The following MAP3K7CL variants were observed in gnomAD, a reference collection of about 807,000 sequenced individuals.
MAP3K7CL encodes MAP3K7 C-terminal-like protein.
In MAP3K7CL, 16 loss-of-function variants were observed where a neutral mutation model predicts 18.6. The ratio of observed to expected loss-of-function variants is 0.86; its 90% CI spans 0.58 to 1.31. The LOEUF is 1.31. Among genes scored for constraint, MAP3K7CL ranks in the 50% most tolerant of loss-of-function variants. The probability of loss-of-function intolerance (pLI) is 0.00; values close to 1 mark genes in which losing one functional copy is unlikely to be tolerated. For missense variants in MAP3K7CL, 163 were observed against 174.4 expected, an observed-to-expected ratio of 0.93 and a Z score of 0.37; for synonymous variants, 65 against 66.8, an observed-to-expected ratio of 0.97 and a Z score of 0.13.
At position 29,133,312 on chromosome 21, in the gene MAP3K7CL, G is replaced by A; in HGVS notation, c.-33G>A. 1 of 1,550,180 alleles carries A rather than the reference G, an allele frequency of 6.5e-7. No individual in the cohort carries two copies. The highest frequency in any genetic ancestry group is 8.7e-7 in the Non-Finnish European group (1 of 1,146,666). On this transcript the variant is annotated 5_prime_UTR_variant, in exon 2 of 5. Transcript: ENST00000399928. ...CTCTCTCTTGCTGTCACAGCTGGAA[G>A]ACCCAGGAGAAGGCGGAGGCTCAGG... is the stretch of plus-strand genomic sequence containing the variant.
intron 4 of MAP3K7CL, among the ~76,000 whole-genome samples, chr21:29,118,495 TG>T (rs1391772129): frequency 1.3e-5 from 2 of 151,962 alleles, no homozygotes; most frequent in African/African-American, 4.8e-5. Flanking sequence ...TTGGTTGAAT[TG>T]GGGGTGACAG....
chr21:29,111,065 T>G (rs8131214), intron 4 of MAP3K7CL, among the ~76,000 whole-genome samples: 67,143 of 151,488 alleles, frequency 0.44, 15,115 homozygotes, highest in East Asian at 0.63. Context: ...GACCATCCTG[T>G]CTAATAGGGT....
At chr21:29,137,224 T>G (rs2086905385) in intron 2 of MAP3K7CL, among the ~76,000 whole-genome samples, 1 of 152,250 alleles carries the variant, frequency 6.6e-6, no homozygotes, top group Non-Finnish European at 1.5e-5. Flanking sequence ...TTTATAGCAT[T>G]ACTGACCTGC....
intron 1 of MAP3K7CL, among the ~76,000 whole-genome samples, chr21:29,090,872 A>G (rs1293568105): frequency 6.6e-6 from 1 of 152,032 alleles, no homozygotes; most frequent in African/African-American, 2.4e-5. Context: ...TAGAAATATA[A>G]TGCAAGCCAT....
intron 3 of MAP3K7CL, 65 bp from the exon 4 acceptor site, chr21:29,159,876 C>A: frequency 7.7e-7 from 1 of 1,306,000 alleles, no homozygotes; most frequent in Non-Finnish European, 1.1e-6. Context: ...CATCAGCGAG[C>A]AAAATGGTTG....
At chr21:29,115,118 G>A (rs1433499734) in intron 4 of MAP3K7CL, among the ~76,000 whole-genome samples, 2 of 152,080 alleles carry the variant, frequency 1.3e-5, no homozygotes, top group African/African-American at 2.4e-5. Context: ...GATGTGTCCC[G>A]CCTCTGCTGT....
intron 3 of MAP3K7CL, among the ~76,000 whole-genome samples, chr21:29,150,712 C>T (rs2087248979): frequency 6.6e-6 from 1 of 151,838 alleles, no homozygotes; most frequent in South Asian, 2.1e-4. Context: ...CCACTCCCAC[C>T]CCCACCAATA....
chr21:29,115,969 G>T (rs567815096), intron 4 of MAP3K7CL, among the ~76,000 whole-genome samples: 1 of 152,326 alleles, frequency 6.6e-6, no homozygotes, highest in Admixed American at 6.5e-5. Context: ...TCAGAGTAAC[G>T]CAGTGAATTG....
intron 3 of MAP3K7CL, chr21:29,092,134 T>C: frequency 2.6e-6 from 1 of 388,386 alleles, no homozygotes; most frequent in South Asian, 4.9e-5. Context: ...ATTCTAGAAG[T>C]GGTAGAAATC....
intron 4 of MAP3K7CL, chr21:29,109,070 C>T: frequency 6.5e-7 from 1 of 1,535,036 alleles, no homozygotes; most frequent in Non-Finnish European, 8.7e-7. Context: ...TGGATCCTAT[C>T]AGAGAAACCT....
chr21:29,152,568 A>G (rs1002774972), intron 3 of MAP3K7CL, among the ~76,000 whole-genome samples: 4 of 152,204 alleles, frequency 2.6e-5, no homozygotes, highest in Admixed American at 1.3e-4. Flanking sequence ...GATTACCTCT[A>G]TCAGAGACTT....
chr21:29,169,822 A>G (rs1301784333), intron 4 of MAP3K7CL, among the ~76,000 whole-genome samples: 1 of 152,228 alleles, frequency 6.6e-6, no homozygotes, highest in Non-Finnish European at 1.5e-5. Context: ...CTATTTGTTT[A>G]GTAACTAAAA....
intron 4 of MAP3K7CL, among the ~76,000 whole-genome samples, chr21:29,121,120 G>C (rs901111334): frequency 1.4e-5 from 2 of 140,872 alleles, no homozygotes; most frequent in Non-Finnish European, 3.1e-5. Context: ...TCATGAAACC[G>C]TATTGCAGGC....
At chr21:29,119,749 A>G (rs576588538) in intron 4 of MAP3K7CL, among the ~76,000 whole-genome samples, 3 of 141,998 alleles carry the variant, frequency 2.1e-5, no homozygotes, top group Middle Eastern at 7.8e-3. Flanking sequence ...TGCAACCTCC[A>G]CCTCCCGGGT....
At chr21:29,120,869 C>A (rs1226979340) in intron 4 of MAP3K7CL, among the ~76,000 whole-genome samples, 2 of 151,672 alleles carry the variant, frequency 1.3e-5, no homozygotes, top group Non-Finnish European at 2.9e-5. Flanking sequence ...AGTTCGAGAC[C>A]AGCCTGGGCA....
chr21:29,120,116 G>A (rs1269126509), intron 4 of MAP3K7CL, among the ~76,000 whole-genome samples: 2 of 151,154 alleles, frequency 1.3e-5, no homozygotes, highest in African/African-American at 4.9e-5. Context: ...GTTATTGATT[G>A]TTTTTATGAG....
chr21:29,081,288 G>A (rs755536159), upstream of MAP3K7CL, among the ~76,000 whole-genome samples: 1 of 152,226 alleles, frequency 6.6e-6, no homozygotes, highest in African/African-American at 2.4e-5. Flanking sequence ...GGTGGCTCAC[G>A]CCTATAATCC....
chr21:29,153,495 C>T (rs2087325834), intron 3 of MAP3K7CL, among the ~76,000 whole-genome samples: 3 of 152,118 alleles, frequency 2.0e-5, no homozygotes, highest in Admixed American at 2.0e-4. Context: ...TCACCCAGGC[C>T]AGAGTGCAGT....
At chr21:29,144,389 T>G (rs2087079523) in intron 2 of MAP3K7CL, among the ~76,000 whole-genome samples, 1 of 152,214 alleles carries the variant, frequency 6.6e-6, no homozygotes. Context: ...GGTCTCGAAC[T>G]CCTGACCTCA....
Sources: allele counts gnomAD v4.1 joint callset (sites outside exome capture counted in the v4.1 genomes callset), GRCh38; gene constraint gnomAD v4.1.1; transcripts MANE v1.5; gene names NCBI Gene and HGNC (gene_info 2026-07-23, HGNC 2026-07-21).